CSMD1: variants seen among roughly 807,000 people sequenced by gnomAD.
CSMD1 encodes the protein CUB and sushi domain-containing protein 1.
A neutral mutation model predicts 417.5 loss-of-function variants in CSMD1; 213 were observed. The observed-to-expected ratio is 0.51, with a 90% confidence interval of 0.46 to 0.57. The LOEUF (loss-of-function observed/expected upper bound fraction) is 0.57, where lower values mean the gene tolerates loss of function less well. CSMD1 is among the 20% of genes least tolerant of loss of function. CSMD1 has a pLI of 0.00. For synonymous variants in CSMD1, 2,862 were observed against 1,736.8 expected (o/e 1.65, Z -16.11); for missense variants, 6,923 against 4,529.7 (o/e 1.53, Z -15.17).
chr8:4,470,853 TTTGAG>T (rs1800489598), intron 2 of CSMD1, among the ~76,000 whole-genome samples: 1 of 152,164 alleles, frequency 6.6e-6, no homozygotes, highest in African/African-American at 2.4e-5. Context: ...TTTGATTTTT[TTTGAG>T]TTATGTAAAA....
chr8:3,141,953 A>T lies in CSMD1; in HGVS notation c.6241+512T>A, dbSNP rs564612289. ...GCTGGGACTACAGGCGCCCGCCACT[A>T]TGCCCAGCTAATTTTTGGTATTTTT... is the stretch of plus-strand genomic sequence containing the variant. On this transcript the variant is annotated intron_variant, in intron 41 of 69. Transcript: ENST00000635120. 2.6e-5 allele frequency among the ~76,000 whole-genome samples: 4 copies of T among 152,034 alleles called. No homozygotes were observed. In the South Asian group the frequency reaches 6.3e-4, roughly 24 times the overall value.
At chr8:3,470,622 C>A (rs1817033333) in intron 11 of CSMD1, among the ~76,000 whole-genome samples, 1 of 152,142 alleles carries the variant, frequency 6.6e-6, no homozygotes, top group Non-Finnish European at 1.5e-5. Context: ...AGGGCAGCTC[C>A]ATTCCTTCCA....
At chr8:4,244,489 C>T (rs1428254688) in intron 3 of CSMD1, among the ~76,000 whole-genome samples, 1 of 151,952 alleles carries the variant, frequency 6.6e-6, no homozygotes, top group African/African-American at 2.4e-5. Context: ...TTTTGGATAA[C>T]CTAAAAATAG....
intron 12 of CSMD1, among the ~76,000 whole-genome samples, chr8:3,414,332 G>A (rs977633807): frequency 3.3e-5 from 5 of 149,290 alleles, no homozygotes; most frequent in African/African-American, 9.9e-5. Flanking sequence ...GGATCATTCC[G>A]AAGAGCTTAC....
chr8:3,554,791 G>A (rs1799070996), intron 10 of CSMD1, among the ~76,000 whole-genome samples: 1 of 152,152 alleles, frequency 6.6e-6, no homozygotes, highest in Non-Finnish European at 1.5e-5. Flanking sequence ...GTAAGCAGAA[G>A]AGATTTCAAC....
chr8:4,870,424 G>T (rs776285648), intron 1 of CSMD1, among the ~76,000 whole-genome samples: 1 of 152,154 alleles, frequency 6.6e-6, no homozygotes, highest in Admixed American at 6.5e-5. Flanking sequence ...CTTAAAGGAT[G>T]CATAGTATTC....
intron 1 of CSMD1, among the ~76,000 whole-genome samples, chr8:4,931,771 G>A (rs541083574): frequency 4.7e-4 from 72 of 152,328 alleles, no homozygotes; most frequent in Middle Eastern, 6.8e-3. Context: ...GGCTACCACA[G>A]AAAGGGTGGT....
At chr8:3,823,857 A>C (rs1043548523) in intron 5 of CSMD1, among the ~76,000 whole-genome samples, 9 of 152,180 alleles carry the variant, frequency 5.9e-5, no homozygotes, top group Non-Finnish European at 8.8e-5. Context: ...AAATTAACTT[A>C]ATTTAAATAC....
chr8:4,820,728 T>C (rs1363391178), intron 1 of CSMD1, among the ~76,000 whole-genome samples: 1 of 152,168 alleles, frequency 6.6e-6, no homozygotes, highest in Non-Finnish European at 1.5e-5. Flanking sequence ...CTAATAAGGA[T>C]CTAACTTTGC....
At chr8:4,400,223 G>A (rs997731736) in intron 3 of CSMD1, among the ~76,000 whole-genome samples, 1 of 152,166 alleles carries the variant, frequency 6.6e-6, no homozygotes, top group Non-Finnish European at 1.5e-5. Flanking sequence ...CTTGGAAGTT[G>A]CAAACTTATG....
chr8:4,652,926 G>C (rs749936849), intron 1 of CSMD1, among the ~76,000 whole-genome samples: 2 of 151,432 alleles, frequency 1.3e-5, no homozygotes, highest in Non-Finnish European at 2.9e-5. Context: ...TGGAGTTCAG[G>C]TGGTAATGTG....
At chr8:3,546,394 G>C (rs1798665702) in intron 10 of CSMD1, among the ~76,000 whole-genome samples, 1 of 151,994 alleles carries the variant, frequency 6.6e-6, no homozygotes, top group Non-Finnish European at 1.5e-5. Flanking sequence ...AAATTAGCTG[G>C]GTTTGGTGGC....
intron 1 of CSMD1, among the ~76,000 whole-genome samples, chr8:4,790,892 T>A (rs1006989046): frequency 2.6e-5 from 4 of 152,070 alleles, no homozygotes; most frequent in African/African-American, 9.7e-5. Flanking sequence ...GAAGGAAACA[T>A]AGGAAATACC....
At chr8:4,430,498 A>C (rs991408602) in intron 2 of CSMD1, among the ~76,000 whole-genome samples, 1 of 152,134 alleles carries the variant, frequency 6.6e-6, no homozygotes, top group Non-Finnish European at 1.5e-5. Context: ...ATTTGCACTA[A>C]ACAAAAATTT....
rs752841771 is a variant in CSMD1, at chr8:4,087,620, C to T, written c.416-55521G>A. On this transcript the variant is annotated intron_variant, in intron 3 of 69. Coordinates refer to ENST00000635120, the MANE Select transcript of CSMD1 (RefSeq NM_033225.6). ...TTCTGTCTCTCTCTCATTCCCAAAT[C>T]TTTCTTCTTCGATACTCTCACATTC... Among the ~76,000 whole-genome samples the T allele has an allele frequency of 8.5e-5, 13 of 152,110 alleles. 1 individual carries two copies. The highest frequency in any genetic ancestry group is 2.6e-4 in the Admixed American group (4 of 15,274).
At chr8:4,401,443 CAT>C (rs1158266742) in intron 3 of CSMD1, among the ~76,000 whole-genome samples, 1 of 152,062 alleles carries the variant, frequency 6.6e-6, no homozygotes, top group African/African-American at 2.4e-5. Flanking sequence ...GTTTTAAAAA[CAT>C]AGGTAATTTC....
At chr8:4,921,293 A>T (rs4269563) in intron 1 of CSMD1, among the ~76,000 whole-genome samples, 2 of 152,000 alleles carry the variant, frequency 1.3e-5, no homozygotes, top group Admixed American at 6.6e-5. Flanking sequence ...GGTGCTAAAC[A>T]CATTTCACAT....
At chr8:3,998,446 G>T (rs1815396427) in intron 4 of CSMD1, among the ~76,000 whole-genome samples, 1 of 152,332 alleles carries the variant, frequency 6.6e-6, no homozygotes, top group Admixed American at 6.5e-5. Flanking sequence ...CCTGGAAGAT[G>T]ACACTATGTA....
intron 1 of CSMD1, among the ~76,000 whole-genome samples, chr8:4,819,366 G>C (rs1799389058): frequency 6.6e-6 from 1 of 152,076 alleles, no homozygotes; most frequent in Non-Finnish European, 1.5e-5. Flanking sequence ...ACTTGACATG[G>C]AAATAGGCCT....
Sources: gnomAD v4.1 joint callset for allele counts (sites outside exome capture counted in the v4.1 genomes callset) on GRCh38, gnomAD v4.1.1 for gene constraint, MANE v1.5 for transcripts, NCBI Gene and HGNC (gene_info 2026-07-23, HGNC 2026-07-21) for gene names.